The following ZBTB7C variants were observed in gnomAD, a reference collection of about 807,000 sequenced individuals.
ZBTB7C encodes zinc finger and BTB domain-containing protein 7C.
A neutral mutation model predicts 25.7 loss-of-function variants in ZBTB7C; 8 were observed. That is an observed-to-expected ratio of 0.31 (90% CI 0.18 to 0.56). ZBTB7C has a LOEUF of 0.56. Among genes scored for constraint, ZBTB7C ranks in the 20% least tolerant of loss-of-function variants. The pLI is 0.91. For missense variants in ZBTB7C, 824 were observed against 855.2 expected, an observed-to-expected ratio of 0.96 and a Z score of 0.46; for synonymous variants, 394 against 369.0, an observed-to-expected ratio of 1.07 and a Z score of -0.78.
intron 3 of ZBTB7C, among the ~76,000 whole-genome samples, chr18:48,169,273 C>T (rs1012030961): frequency 6.6e-5 from 10 of 152,216 alleles, no homozygotes; most frequent in African/African-American, 2.2e-4. Flanking sequence ...TCCCAGTCCC[C>T]TTGCCTTACC....
intron 2 of ZBTB7C, among the ~76,000 whole-genome samples, chr18:48,268,691 A>G (rs2044383882): frequency 6.6e-6 from 1 of 152,182 alleles, no homozygotes; most frequent in African/African-American, 2.4e-5. Flanking sequence ...GAGGGCTTGG[A>G]GGAGCCTCAC....
intron 3 of ZBTB7C, among the ~76,000 whole-genome samples, chr18:48,107,616 G>T (rs367945112): frequency 3.3e-5 from 5 of 152,252 alleles, no homozygotes; most frequent in African/African-American, 1.2e-4. Flanking sequence ...GAGGCCAGAG[G>T]TGGCCTCTGG....
intron 3 of ZBTB7C, among the ~76,000 whole-genome samples, chr18:48,124,822 C>T (rs2039747312): frequency 6.6e-6 from 1 of 152,216 alleles, no homozygotes; most frequent in African/African-American, 2.4e-5. Flanking sequence ...AGAATTTTAA[C>T]ACTGGTTGGG....
chr18:48,411,598 G>A (rs367834707), upstream of ZBTB7C, among the ~76,000 whole-genome samples: 26 of 152,306 alleles, frequency 1.7e-4, no homozygotes, highest in African/African-American at 5.8e-4. Context: ...CCAAGCATGC[G>A]GATGCATTTA....
At chr18:48,078,232 C>A (rs1312132875) in intron 3 of ZBTB7C, among the ~76,000 whole-genome samples, 1 of 152,206 alleles carries the variant, frequency 6.6e-6, no homozygotes, top group Non-Finnish European at 1.5e-5. Flanking sequence ...TATATCAGGT[C>A]CTGTACAAGG....
At chr18:48,345,354 T>C (rs2046703267) in intron 1 of ZBTB7C, among the ~76,000 whole-genome samples, 1 of 152,186 alleles carries the variant, frequency 6.6e-6, no homozygotes, top group African/African-American at 2.4e-5. Context: ...GGCATTTTCT[T>C]CTTTGTTTCC....
rs969704784 is a variant in ZBTB7C, at chr18:48,227,754, C to T, written c.-78-41759G>A. On this transcript the variant is annotated intron_variant, in intron 2 of 4. Coordinates refer to ENST00000590800, the MANE Select transcript of ZBTB7C (RefSeq NM_001318841.2). ...TGGACTAGTCTTTGCCTTCTAGCAACGAAATAGGAAACATTGGGAAATTAA... is the reference window on the plus strand; with the variant it reads ...TGGACTAGTCTTTGCCTTCTAGCAATGAAATAGGAAACATTGGGAAATTAA... 7.2e-5 allele frequency among the ~76,000 whole-genome samples: 11 copies of T among 152,162 alleles called. 1 individual carries two copies. The highest frequency in any genetic ancestry group is 1.9e-4 in the East Asian group (1 of 5,176).
At chr18:48,269,392 C>T (rs554869364) in intron 2 of ZBTB7C, among the ~76,000 whole-genome samples, 1 of 152,312 alleles carries the variant, frequency 6.6e-6, no homozygotes, top group South Asian at 2.1e-4. Flanking sequence ...AAGACCTAAT[C>T]ACCGTCCAAA....
At chr18:48,175,062 A>C (rs2041624974) in intron 3 of ZBTB7C, among the ~76,000 whole-genome samples, 1 of 152,156 alleles carries the variant, frequency 6.6e-6, no homozygotes, top group Non-Finnish European at 1.5e-5. Context: ...TTTCTATTTG[A>C]CTTCTGAAAG....
At position 48,346,454 on chromosome 18, in the gene ZBTB7C, C is replaced by T. The variant is rs566191132; in HGVS notation, c.-303-8056G>A. ...ATGCAGAACATGGGTTCCCCCAAGG[C>T]TGGGCAACCCAGGGTTCTGAGTGAG... is the stretch of plus-strand genomic sequence containing the variant. On this transcript the variant is annotated intron_variant, in intron 1 of 4. Transcript: ENST00000590800. The T allele has an allele frequency of 3.9e-5, 6 of 152,454 alleles. No homozygotes were observed. In the East Asian group the frequency reaches 1.2e-3, roughly 29 times the overall value. The allele number at this position is 152,454 out of a possible 1,614,324, so 9.4% of individuals were successfully genotyped here.
chr18:48,037,890 C>A (rs1215289892), intron 4 of ZBTB7C, among the ~76,000 whole-genome samples: 1 of 152,206 alleles, frequency 6.6e-6, no homozygotes, highest in East Asian at 1.9e-4. Flanking sequence ...AAGTCATATG[C>A]AGGGGCTGGG....
At chr18:48,263,768 T>C (rs1439710079) in intron 2 of ZBTB7C, among the ~76,000 whole-genome samples, 1 of 149,776 alleles carries the variant, frequency 6.7e-6, no homozygotes, top group Admixed American at 6.6e-5. Flanking sequence ...AAACAAATCA[T>C]AAACCAACAT....
At chr18:48,302,836 G>A (rs546032571) in intron 2 of ZBTB7C, among the ~76,000 whole-genome samples, 1 of 152,338 alleles carries the variant, frequency 6.6e-6, no homozygotes, top group African/African-American at 2.4e-5. Flanking sequence ...TTGCAGTTCT[G>A]TGCTGCTGCA....
chr18:48,065,853 T>TGAACAGAAATGAGGG (rs1245922608), intron 3 of ZBTB7C, among the ~76,000 whole-genome samples: 1 of 152,164 alleles, frequency 6.6e-6, no homozygotes, highest in Non-Finnish European at 1.5e-5. Context: ...CTGCTTTCTC[T>TGAACAGAAATGAGGG]GAACAGAAAT....
chr18:48,328,085 A>G lies in ZBTB7C; in HGVS notation c.-79+10089T>C, dbSNP rs1598881487. ...TAGTCCCAGCTACTTGGGAGGCTGA[A>G]GCAGGAGAATGGCATGAACCCGGGA... On this transcript the variant is annotated intron_variant, in intron 2 of 4. Coordinates refer to ENST00000590800, the MANE Select transcript of ZBTB7C (RefSeq NM_001318841.2). 2.0e-5 allele frequency among the ~76,000 whole-genome samples: 3 copies of G among 151,218 alleles called. No homozygotes were observed. In the East Asian group the frequency reaches 5.9e-4, roughly 30 times the overall value.
Position 48,040,634 on chromosome 18 carries a change from C to T in ZBTB7C, c.474G>A (p.Glu158=), listed in dbSNP as rs944095879. ...DDDEEDEEEE[E]EEEEDDDDDT... The stretch of plus-strand genomic sequence containing the variant: ...CATCATCGTCATCCTCCTCCTCTTC[C>T]TCCTCCTCCTCTTCGTCCTCCTCAT... The change falls in exon 4 of 5, where the codon GAG becomes GAA. Residue 158 remains glutamate (E), a synonymous_variant. Coordinates refer to ENST00000590800, the MANE Select transcript of ZBTB7C (RefSeq NM_001318841.2). The T allele has an allele frequency of 1.2e-6, 2 of 1,609,794 alleles. No individual in the cohort carries two copies. The highest frequency in any genetic ancestry group is 1.7e-6 in the Non-Finnish European group (2 of 1,177,318).
intron 3 of ZBTB7C, among the ~76,000 whole-genome samples, chr18:48,172,676 C>T (rs936714115): frequency 1.3e-5 from 2 of 152,256 alleles, no homozygotes; most frequent in African/African-American, 4.8e-5. Flanking sequence ...CAATGATAGC[C>T]CTCAGTTCCT....
chr18:48,248,570 A>G (rs943399714), intron 2 of ZBTB7C, among the ~76,000 whole-genome samples: 1 of 151,932 alleles, frequency 6.6e-6, no homozygotes, highest in African/African-American at 2.4e-5. Context: ...TTTTTTCTTT[A>G]TAAGATTTAT....
chr18:48,359,961 G>A (rs2047065089), intron 1 of ZBTB7C, among the ~76,000 whole-genome samples: 1 of 152,176 alleles, frequency 6.6e-6, no homozygotes, highest in Non-Finnish European at 1.5e-5. Flanking sequence ...AGCTGCAGTT[G>A]TTCTGGTTGC....
Sources: allele counts gnomAD v4.1 joint callset (sites outside exome capture counted in the v4.1 genomes callset), GRCh38; gene constraint gnomAD v4.1.1; transcripts MANE v1.5; gene names NCBI Gene and HGNC (gene_info 2026-07-23, HGNC 2026-07-21).